Variants in CAMKMT observed in about 807,000 individuals in gnomAD.
The protein encoded by CAMKMT is calmodulin-lysine N-methyltransferase, also known as CaM KMT.
CAMKMT carries 53 observed loss-of-function variants against 48.0 expected under a neutral mutation model. The ratio of observed to expected loss-of-function variants is 1.10; its 90% CI spans 0.89 to 1.39. CAMKMT has a LOEUF of 1.39. Among genes scored for constraint, CAMKMT ranks in the 40% most tolerant of loss-of-function variants. CAMKMT has a pLI of 0.00. For missense variants in CAMKMT, 428 were observed against 402.7 expected (o/e 1.06, Z -0.54); for synonymous variants, 165 against 152.3 (o/e 1.08, Z -0.61).
chr2:44,604,266 T>G (rs1211798308), intron 3 of CAMKMT, among the ~76,000 whole-genome samples: 1 of 152,218 alleles, frequency 6.6e-6, no homozygotes, highest in African/African-American at 2.4e-5. Context: ...GAAATTACTT[T>G]TCTTGTTTGT....
At chr2:44,727,623 G>A (rs1412495208) in intron 7 of CAMKMT, among the ~76,000 whole-genome samples, 3 of 152,086 alleles carry the variant, frequency 2.0e-5, no homozygotes, top group Non-Finnish European at 4.4e-5. Context: ...TAATTGTTCT[G>A]CCTAGAACTT....
At chr2:44,481,514 C>T (rs1428978465) in intron 3 of CAMKMT, among the ~76,000 whole-genome samples, 1 of 151,918 alleles carries the variant, frequency 6.6e-6, no homozygotes, top group Non-Finnish European at 1.5e-5. Flanking sequence ...TTTTGCAATT[C>T]TCTTTCAGAA....
intron 3 of CAMKMT, among the ~76,000 whole-genome samples, chr2:44,545,386 A>G (rs1667337813): frequency 6.6e-6 from 1 of 152,214 alleles, no homozygotes; most frequent in Non-Finnish European, 1.5e-5. Flanking sequence ...TTAAAAAATC[A>G]GTTACTACTC....
In CAMKMT at chr2:44,681,063, A is replaced by ACT. The variant is rs1675993478; in HGVS notation, c.377-23217_377-23216dup. Among the ~76,000 whole-genome samples the ACT allele has an allele frequency of 3.3e-5, 5 of 151,950 alleles. No homozygotes were observed. The South Asian group carries it at 1.0e-3, about 32-fold the overall frequency. ...TTATTTCCAATTTAATTTTTTTTAA[A>ACT]CTCTTATTCTTTTGCCCTCACATAT... On this transcript the variant is annotated intron_variant, in intron 3 of 10. Coordinates refer to ENST00000378494, the MANE Select transcript of CAMKMT (RefSeq NM_024766.5).
intron 3 of CAMKMT, among the ~76,000 whole-genome samples, chr2:44,497,146 G>C (rs1297483639): frequency 6.6e-6 from 1 of 152,148 alleles, no homozygotes; most frequent in Non-Finnish European, 1.5e-5. Context: ...TTAGAAAACT[G>C]ATTTCGTACA....
intron 3 of CAMKMT, among the ~76,000 whole-genome samples, chr2:44,650,445 G>C (rs903490665): frequency 2.0e-5 from 3 of 152,180 alleles, no homozygotes; most frequent in African/African-American, 7.2e-5. Flanking sequence ...GTTAGGTGGA[G>C]GGAAGGAGAT....
chr2:44,591,550 C>T (rs942123871), intron 3 of CAMKMT, among the ~76,000 whole-genome samples: 1 of 152,148 alleles, frequency 6.6e-6, no homozygotes, highest in Non-Finnish European at 1.5e-5. Context: ...ATTTGGCTCT[C>T]TGTTTGTCTG....
At chr2:44,413,191 A>G (rs910323523) in intron 3 of CAMKMT, among the ~76,000 whole-genome samples, 10 of 152,186 alleles carry the variant, frequency 6.6e-5, no homozygotes, top group African/African-American at 2.4e-4. Flanking sequence ...TGGCAGTATT[A>G]ATCTCTGTTG....
At chr2:44,418,816 T>C (rs1683740484) in intron 3 of CAMKMT, among the ~76,000 whole-genome samples, 1 of 152,232 alleles carries the variant, frequency 6.6e-6, no homozygotes, top group Admixed American at 6.5e-5. Context: ...ACTAAATTTG[T>C]AGCTGAATTT....
At chr2:44,362,866 T>TA (rs1463555440) in intron 1 of CAMKMT, among the ~76,000 whole-genome samples, 2 of 152,246 alleles carry the variant, frequency 1.3e-5, no homozygotes, top group East Asian at 3.8e-4. Context: ...AGTTCTGATT[T>TA]ATGATCACTC....
rs183828708 is a variant in CAMKMT at position 44,370,617 on chromosome 2, C to T, written c.139-2099C>T. 3.7e-3 allele frequency among the ~76,000 whole-genome samples: 556 copies of T among 151,156 alleles called. 2 individuals carry two copies. The highest frequency in any genetic ancestry group is 4.9e-3 in the Non-Finnish European group (327 of 67,332). ...AACAACGTTTAGTATTATCGATCCT[C>T]TCTCCTGTGTTTGTTTTCTACTTCA... On this transcript the variant is annotated intron_variant, in intron 1 of 10. Coordinates refer to ENST00000378494, the MANE Select transcript of CAMKMT (RefSeq NM_024766.5).
At chr2:44,495,641 A>G (rs1669719061) in intron 3 of CAMKMT, among the ~76,000 whole-genome samples, 1 of 152,144 alleles carries the variant, frequency 6.6e-6, no homozygotes. Flanking sequence ...TAGGCCAAGG[A>G]TGTCAATTGG....
chr2:44,714,906 A>G (rs548732252), intron 6 of CAMKMT, among the ~76,000 whole-genome samples: 1 of 152,290 alleles, frequency 6.6e-6, no homozygotes, highest in South Asian at 2.1e-4. Context: ...GTATGATAAA[A>G]AGATTGGCCA....
At position 44,435,837 on chromosome 2, in the gene CAMKMT, G is replaced by A. The variant is rs570921866; in HGVS notation, c.376+45532G>A. 1.1e-3 allele frequency among the ~76,000 whole-genome samples: 173 copies of A among 152,304 alleles called. 1 individual carries two copies. The highest frequency in any genetic ancestry group is 3.8e-3 in the African/African-American group (159 of 41,560). ...GCCTTTTTAGTTCATAGTTTACCAA[G>A]TTGTATATCTTCCTTTTGGAGGTAG... is the stretch of plus-strand genomic sequence containing the variant. On this transcript the variant is annotated intron_variant, in intron 3 of 10. Coordinates refer to ENST00000378494, the MANE Select transcript of CAMKMT (RefSeq NM_024766.5).
intron 7 of CAMKMT, among the ~76,000 whole-genome samples, chr2:44,724,520 T>C (rs1188528303): frequency 1.3e-5 from 2 of 152,202 alleles, no homozygotes; most frequent in Non-Finnish European, 2.9e-5. Flanking sequence ...GATTCTAATA[T>C]ATCTGAAGCA....
At chr2:44,372,194 A>G (rs1050591983) in intron 1 of CAMKMT, among the ~76,000 whole-genome samples, 2 of 152,152 alleles carry the variant, frequency 1.3e-5, no homozygotes, top group African/African-American at 2.4e-5. Flanking sequence ...TTAAAGATAT[A>G]AGACTGCAAG....
intron 3 of CAMKMT, among the ~76,000 whole-genome samples, chr2:44,611,086 C>G (rs1383310946): frequency 6.6e-6 from 1 of 152,068 alleles, no homozygotes; most frequent in African/African-American, 2.4e-5. Flanking sequence ...TTTCTTATTC[C>G]CAATATGTTC....
chr2:44,383,055 C>T lies in CAMKMT; in HGVS notation c.312-7186C>T, dbSNP rs116515503. 3.6e-3 allele frequency among the ~76,000 whole-genome samples: 550 copies of T among 152,036 alleles called. 7 individuals are homozygous for T. Among genetic ancestry groups the T allele is most frequent in the African/African-American group, 0.013 (521 of 41,454 alleles). On this transcript the variant is annotated intron_variant, in intron 2 of 10. Transcript: ENST00000378494. Reference sequence around the variant, plus strand: ...CTCTTCCCTTTGGCTTGCAGATGGCCGCCCTCACACTGCCTTTTCGGAGGC... The same window carrying T: ...CTCTTCCCTTTGGCTTGCAGATGGCTGCCCTCACACTGCCTTTTCGGAGGC...
intron 3 of CAMKMT, among the ~76,000 whole-genome samples, chr2:44,411,725 G>T (rs186675190): frequency 6.7e-6 from 1 of 149,090 alleles, no homozygotes; most frequent in Admixed American, 6.6e-5. Context: ...TTTGTCTCAA[G>T]TATTTTTGTA....
Sources: allele counts gnomAD v4.1 joint callset (sites outside exome capture counted in the v4.1 genomes callset), GRCh38; gene constraint gnomAD v4.1.1; transcripts MANE v1.5; gene names NCBI Gene and HGNC (gene_info 2026-07-23, HGNC 2026-07-21).